The following GJA3 variants were observed in gnomAD, a reference collection of about 807,000 sequenced individuals.
GJA3 encodes gap junction alpha-3 protein.
For synonymous variants in GJA3, 297 were observed against 292.6 expected, an observed-to-expected ratio of 1.02 and a Z score of -0.15; for missense variants, 571 against 620.3, an observed-to-expected ratio of 0.92 and a Z score of 0.84.
At chr13:20,146,114 C>T (rs1261573455) in intron 1 of GJA3, among the ~76,000 whole-genome samples, 1 of 152,226 alleles carries the variant, frequency 6.6e-6, no homozygotes, top group African/African-American at 2.4e-5. Flanking sequence ...ATACCCCTTC[C>T]AGCAGCCTCA....
intron 1 of GJA3, among the ~76,000 whole-genome samples, chr13:20,144,185 C>T (rs908806034): frequency 2.0e-5 from 3 of 152,204 alleles, no homozygotes; most frequent in Non-Finnish European, 2.9e-5. Flanking sequence ...CTGACGACCA[C>T]CTGAAATCAC....
chr13:20,145,502 G>A (rs1447980100), intron 1 of GJA3, among the ~76,000 whole-genome samples: 1 of 152,124 alleles, frequency 6.6e-6, no homozygotes, highest in Non-Finnish European at 1.5e-5. Flanking sequence ...AACAATTTGG[G>A]GTCACTTCCT....
At chr13:20,149,725 G>C (rs779313484) in intron 1 of GJA3, among the ~76,000 whole-genome samples, 3 of 152,218 alleles carry the variant, frequency 2.0e-5, no homozygotes, top group Admixed American at 6.5e-5. Context: ...TTCCAGAAGA[G>C]AGCAATGTTT....
chr13:20,157,423 A>T (rs1032804819), intron 1 of GJA3, among the ~76,000 whole-genome samples: 1 of 152,238 alleles, frequency 6.6e-6, no homozygotes, highest in African/African-American at 2.4e-5. Flanking sequence ...CGACAGAAGA[A>T]ATATGGAATC....
intron 1 of GJA3, among the ~76,000 whole-genome samples, chr13:20,153,870 C>T (rs1958893284): frequency 6.6e-6 from 1 of 151,286 alleles, no homozygotes; most frequent in South Asian, 2.1e-4. Flanking sequence ...TGCCACAGTT[C>T]AATTACACAG....
rs1289626232 is a variant in GJA3 at position 20,142,504 on chromosome 13, G to A, written c.785C>T (p.Pro262Leu). 4.5e-6 allele frequency: 7 copies of A among 1,553,656 alleles called. No homozygotes were observed. Among genetic ancestry groups the A allele is most frequent in the Non-Finnish European group, 6.1e-6 (7 of 1,149,746 alleles). ...GGGTGGGAACCCGATGGCAACGGCG[G>A]GCGGCCGGGAGCTGGGGGGCAGGGG... The part of the protein sequence containing the change: ...PPPLPPSSRP[P>L]AVAIGFPPYY... The change falls in exon 2 of 2, where the codon CCC (proline) becomes CTC (leucine). Residue 262 changes from proline to leucine, a missense_variant. By Grantham distance (98) the Pro-to-Leu change is moderately conservative. Coordinates refer to ENST00000241125, the MANE Select transcript of GJA3 (RefSeq NM_021954.4).
In GJA3 at chr13:20,142,271, G is replaced by C. The variant is rs565869270; in HGVS notation, c.1018C>G (p.Leu340Val). The C allele has an allele frequency of 6.4e-7, 1 of 1,562,902 alleles. No individual in the cohort carries two copies. The highest frequency in any genetic ancestry group is 1.4e-5 in the African/African-American group (1 of 72,344). The change falls in exon 2 of 2, where the codon CTC becomes GTC. Residue 340 changes from leucine (L) to valine (V), a missense_variant. Coordinates refer to ENST00000241125, the MANE Select transcript of GJA3 (RefSeq NM_021954.4). The part of the protein sequence containing the change: ...NQAAERQPPA[L>V]KAYPAASTPA... ...GTGGACGCTGCCGGGTAAGCCTTGA[G>C]CGCCGGGGGCTGCCGCTCGGCCGCC...
chr13:20,149,820 T>C (rs1234656634), intron 1 of GJA3, among the ~76,000 whole-genome samples: 3 of 152,244 alleles, frequency 2.0e-5, no homozygotes, highest in Non-Finnish European at 4.4e-5. Flanking sequence ...GCTGTGGCCA[T>C]ACTCTGCACA....
chr13:20,145,008 T>A (rs2141139410), intron 1 of GJA3, among the ~76,000 whole-genome samples: 1 of 152,222 alleles, frequency 6.6e-6, no homozygotes, highest in Non-Finnish European at 1.5e-5. Context: ...TGGTGAAACC[T>A]CATCTCTACT....
rs560251070 is a variant in GJA3 at position 20,153,811 on chromosome 13, A to G, written c.-18+7079T>C. On this transcript the variant is annotated intron_variant, in intron 1 of 1. Coordinates refer to ENST00000241125, the MANE Select transcript of GJA3 (RefSeq NM_021954.4). ...AATAAAAAATTAAATTAAAAAAAAA[A>G]AAGAAAAGCAGGCCTTTAAAAGCTG... is the stretch of plus-strand genomic sequence containing the variant. Among the ~76,000 whole-genome samples the G allele has an allele frequency of 2.0e-5, 3 of 152,044 alleles. No homozygotes were observed. The South Asian group carries it at 6.2e-4, about 32-fold the overall frequency.
rs1323521692 is a variant in GJA3 at position 20,160,971 on chromosome 13, G to T, written c.-99C>A. ...GCTCTGAAAAGAATTCCTTTCACAC[G>T]TGCGGTGCTGCTTCACGCGTGCGCC... On this transcript the variant is annotated 5_prime_UTR_variant, in exon 1 of 2. Coordinates refer to ENST00000241125, the MANE Select transcript of GJA3 (RefSeq NM_021954.4). The T allele has an allele frequency of 6.6e-6, 1 of 152,188 alleles. No individual in the cohort carries two copies. The highest frequency in any genetic ancestry group is 2.4e-5 in the African/African-American group (1 of 41,404). The allele number at this position is 152,188 out of a possible 1,614,324, so 9.4% of individuals were successfully genotyped here.
rs1476210951 is a variant in GJA3, at chr13:20,142,912, G to A, written c.377C>T (p.Pro126Leu). 5.7e-6 allele frequency: 9 copies of A among 1,585,542 alleles called. No individual in the cohort carries two copies. Among genetic ancestry groups the A allele is most frequent in the East Asian group, 2.3e-5 (1 of 43,160 alleles). Residue 126 changes from proline (P) to leucine (L), a missense_variant, in exon 2 of 2, where the codon CCG becomes CTG. By Grantham distance (98) the Pro-to-Leu change is moderately conservative (BLOSUM62 -3). Coordinates refer to ENST00000241125, the MANE Select transcript of GJA3 (RefSeq NM_021954.4). Reference protein sequence around the residue: ...KRESPSPKEPPQDNPSSRDDR... With the variant: ...KRESPSPKEPLQDNPSSRDDR... ...GTCCCGCGACGAGGGATTGTCCTGCGGTGGCTCCTTGGGGCTGGGGCTCTC... is the reference window on the plus strand; with the variant it reads ...GTCCCGCGACGAGGGATTGTCCTGCAGTGGCTCCTTGGGGCTGGGGCTCTC...
At position 20,143,190 on chromosome 13, in the gene GJA3, G is replaced by C. The variant is rs1958823176; in HGVS notation, c.99C>G (p.Arg33=). 1 of 1,596,268 alleles carries C rather than the reference G, an allele frequency of 6.3e-7. No homozygotes were observed. The highest frequency in any genetic ancestry group is 1.3e-5 in the African/African-American group (1 of 74,754). ...CCGCCGCGGCCCCCAGCACCAAGAT[G>C]CGGAAGATGAACAGCACGGTCAGCC... ...KVWLTVLFIF[R]ILVLGAAAED... Residue 33 remains arginine, a synonymous_variant, in exon 2 of 2, where the codon CGC becomes CGG. Coordinates refer to ENST00000241125, the MANE Select transcript of GJA3 (RefSeq NM_021954.4).
At chr13:20,157,633 G>A (rs959015986) in intron 1 of GJA3, among the ~76,000 whole-genome samples, 26 of 152,286 alleles carry the variant, frequency 1.7e-4, no homozygotes, top group Admixed American at 1.4e-3. Flanking sequence ...CTTCATGGGC[G>A]ATGCAGCAGG....
intron 1 of GJA3, among the ~76,000 whole-genome samples, chr13:20,143,667 G>A (rs1958826830): frequency 6.6e-6 from 1 of 152,214 alleles, no homozygotes; most frequent in South Asian, 2.1e-4. Flanking sequence ...CTGTTCAGGT[G>A]GGATTAGAGC....
rs942526615 is a variant in GJA3 at position 20,140,623 on chromosome 13, T to C, written c.*1358A>G. 1 of 152,258 alleles carries C rather than the reference T, an allele frequency of 6.6e-6. No individual in the cohort carries two copies. The highest frequency in any genetic ancestry group is 2.1e-4 in the South Asian group (1 of 4,830). The allele number at this position is 152,258 out of a possible 1,614,324, so 9.4% of individuals were successfully genotyped here. ...ACAGCTGTGTGTGCAGGACAGAAAA[T>C]TCTGCCGTCTTCCAGCCATGCCCAC... On this transcript the variant is annotated 3_prime_UTR_variant, in exon 2 of 2. Coordinates refer to ENST00000241125, the MANE Select transcript of GJA3 (RefSeq NM_021954.4).
chr13:20,152,534 A>G lies in GJA3; in HGVS notation c.-18+8356T>C, dbSNP rs1396427576. ...TGAGTAGCTGGGATTACAGGCACCC[A>G]CCACCACACCTGGCTAATTTTTGTA... On this transcript the variant is annotated intron_variant, in intron 1 of 1. Coordinates refer to ENST00000241125, the MANE Select transcript of GJA3 (RefSeq NM_021954.4). Among the ~76,000 whole-genome samples, 5 of 151,980 alleles carry G rather than the reference A, an allele frequency of 3.3e-5. 1 individual carries two copies. The highest frequency in any genetic ancestry group is 2.9e-5 in the Non-Finnish European group (2 of 67,990).
At position 20,138,482 on chromosome 13, in the gene GJA3, A is replaced by AAT. The variant is rs1325302910; in HGVS notation, c.*3497_*3498dup. 3.3e-5 allele frequency: 5 copies of AAT among 152,196 alleles called. No homozygotes were observed. The highest frequency in any genetic ancestry group is 1.2e-4 in the African/African-American group (5 of 41,454). The allele number at this position is 152,196 out of a possible 1,614,324, so 9.4% of individuals were successfully genotyped here. A position where few individuals can be genotyped will look rare whatever the true frequency, so the allele number is the denominator to read the frequency against. On this transcript the variant is annotated 3_prime_UTR_variant, in exon 2 of 2. Transcript: ENST00000241125. ...ATCCCTAACTTGTTTGCCTTATTAT[A>AAT]ATGTTCTGTAACGTAAAGGGGAAAA...
intron 1 of GJA3, among the ~76,000 whole-genome samples, chr13:20,145,104 C>A (rs1958834376): frequency 6.6e-6 from 1 of 152,146 alleles, no homozygotes; most frequent in African/African-American, 2.4e-5. Context: ...ATTGCTTGAA[C>A]CTGGAAGGCA....
Sources: gnomAD v4.1 joint callset for allele counts (sites outside exome capture counted in the v4.1 genomes callset) on GRCh38, gnomAD v4.1.1 for gene constraint, MANE v1.5 for transcripts, NCBI Gene and HGNC (gene_info 2026-07-23, HGNC 2026-07-21) for gene names.